The following ACAD11 variants were observed in gnomAD, a reference collection of about 807,000 sequenced individuals.
The protein encoded by ACAD11 is acyl-Coenzyme A dehydrogenase family, member 11.
A neutral mutation model predicts 102.2 loss-of-function variants in ACAD11; 83 were observed. The ratio of observed to expected loss-of-function variants is 0.81; its 90% confidence interval spans 0.68 to 0.97. ACAD11 has a LOEUF of 0.97. Ranked by LOEUF, ACAD11 falls within the 50% of genes least tolerant of loss-of-function variation. The pLI is 0.00. For missense variants in ACAD11, 901 were observed against 951.7 expected, an observed-to-expected ratio of 0.95 and a Z score of 0.70; for synonymous variants, 324 against 319.8, an observed-to-expected ratio of 1.01 and a Z score of -0.14.
intron 19 of ACAD11, 72 bp downstream of exon 19, chr3:132,559,761 G>A: frequency 8.3e-7 from 1 of 1,202,766 alleles, no homozygotes; most frequent in Non-Finnish European, 1.2e-6. Context: ...AGCAATTAAT[G>A]TCAAGGCATC....
At chr3:132,610,014 C>T (rs1939053017) in intron 11 of ACAD11, among the ~76,000 whole-genome samples, 1 of 152,136 alleles carries the variant, frequency 6.6e-6, no homozygotes, top group African/African-American at 2.4e-5. Flanking sequence ...ATAAACAGAA[C>T]CAATGACAAA....
rs189351226 is a variant in ACAD11 at position 132,656,737 on chromosome 3, C to T, written c.149+2866G>A. ...TCGAACTCGACCTCTGGTGATCCAC[C>T]TGCTTCAGCCTCCCAAAGTGCTGGG... On this transcript the variant is annotated intron_variant, in intron 1 of 19. Transcript: ENST00000264990. 4.6e-5 allele frequency among the ~76,000 whole-genome samples: 7 copies of T among 152,272 alleles called. No homozygotes were observed. In the East Asian group the frequency reaches 9.7e-4, roughly 21 times the overall value.
At chr3:132,595,892 G>T (rs1050282676) in intron 13 of ACAD11, among the ~76,000 whole-genome samples, 1 of 152,086 alleles carries the variant, frequency 6.6e-6, no homozygotes, top group Non-Finnish European at 1.5e-5. Flanking sequence ...CCTAAAGACA[G>T]AAATATCATT....
intron 17 of ACAD11, among the ~76,000 whole-genome samples, chr3:132,572,513 T>C (rs1281007090): frequency 5.9e-5 from 9 of 152,152 alleles, no homozygotes; most frequent in Non-Finnish European, 1.2e-4. Context: ...AAGCTACCAA[T>C]GACACTCTTC....
At chr3:132,573,508 A>G (rs1188706163) in intron 17 of ACAD11, among the ~76,000 whole-genome samples, 1 of 152,182 alleles carries the variant, frequency 6.6e-6, no homozygotes, top group Non-Finnish European at 1.5e-5. Flanking sequence ...AAATGTTGCT[A>G]TTAGAACATT....
At chr3:132,641,454 G>C (rs1559973543) in intron 4 of ACAD11, among the ~76,000 whole-genome samples, 2 of 152,082 alleles carry the variant, frequency 1.3e-5, no homozygotes, top group Admixed American at 6.5e-5. Flanking sequence ...TGAGGTAGGA[G>C]AATGGCGTGA....
At chr3:132,656,943 T>C (rs73000571) in intron 1 of ACAD11, among the ~76,000 whole-genome samples, 1,899 of 152,228 alleles carry the variant, frequency 0.012, 39 homozygotes, top group African/African-American at 0.043. Flanking sequence ...TGAGCTATTA[T>C]AGTTATATTC....
intron 13 of ACAD11, among the ~76,000 whole-genome samples, chr3:132,594,703 T>C (rs1938224162): frequency 6.6e-6 from 1 of 152,156 alleles, no homozygotes; most frequent in Non-Finnish European, 1.5e-5. Context: ...ATCTGAATTG[T>C]AAATAGGAGT....
At chr3:132,577,622 C>T (rs193220658) in intron 15 of ACAD11, among the ~76,000 whole-genome samples, 7 of 152,234 alleles carry the variant, frequency 4.6e-5, no homozygotes, top group South Asian at 2.1e-4. Flanking sequence ...GCCAGGAACA[C>T]GTTCACATTT....
chr3:132,580,165 A>G (rs1937577914), intron 13 of ACAD11, among the ~76,000 whole-genome samples: 1 of 152,100 alleles, frequency 6.6e-6, no homozygotes, highest in Non-Finnish European at 1.5e-5. Flanking sequence ...AGATTAAGTT[A>G]AACACATCTG....
At chr3:132,587,491 C>T (rs1034102566) in intron 13 of ACAD11, among the ~76,000 whole-genome samples, 1 of 152,076 alleles carries the variant, frequency 6.6e-6, no homozygotes, top group Admixed American at 6.6e-5. Flanking sequence ...TATTTCTCTT[C>T]TGATATTTCT....
chr3:132,632,006 G>A (rs1940059818), intron 5 of ACAD11, among the ~76,000 whole-genome samples: 1 of 151,872 alleles, frequency 6.6e-6, no homozygotes, highest in Non-Finnish European at 1.5e-5. Flanking sequence ...AAACAATCAT[G>A]TAATGTGGAA....
At chr3:132,625,823 G>A (rs926200199) in intron 9 of ACAD11, among the ~76,000 whole-genome samples, 1 of 152,094 alleles carries the variant, frequency 6.6e-6, no homozygotes, top group East Asian at 1.9e-4. Context: ...AATCATAGAT[G>A]ATTAAAATGA....
intron 2 of ACAD11, among the ~76,000 whole-genome samples, chr3:132,644,086 T>C (rs1054808875): frequency 1.3e-5 from 2 of 152,324 alleles, no homozygotes; most frequent in East Asian, 1.9e-4. Flanking sequence ...GAAAGTCCCA[T>C]AGAATCTACA....
intron 11 of ACAD11, among the ~76,000 whole-genome samples, chr3:132,610,679 G>A (rs1041871875): frequency 1.6e-4 from 24 of 152,278 alleles, no homozygotes; most frequent in African/African-American, 5.8e-4. Flanking sequence ...CCAGGAAGAA[G>A]TTGAATCTCT....
At chr3:132,561,649 G>A (rs1356432726) in intron 17 of ACAD11, among the ~76,000 whole-genome samples, 1 of 152,150 alleles carries the variant, frequency 6.6e-6, no homozygotes. Context: ...ATTTCAGTGT[G>A]GGGACAGTTC....
chr3:132,574,874 C>T (rs948366343), intron 17 of ACAD11, among the ~76,000 whole-genome samples: 2 of 152,236 alleles, frequency 1.3e-5, no homozygotes, highest in East Asian at 1.9e-4. Context: ...CTCGCTCTGT[C>T]GCCAGGCTGG....
chr3:132,579,501 G>C lies in ACAD11; in HGVS notation c.1679C>G (p.Ser560Cys). Residue 560 changes from serine (S) to cysteine (C), a missense_variant, in exon 14 of 20, where the codon TCT becomes TGT. By Grantham distance (112) the Ser-to-Cys change is moderately radical (BLOSUM62 -1). Transcript: ENST00000264990. ...AIVLGRTQNT[S>C]LSRHKQHSMI... is the part of the protein sequence containing the mutation. ...AGAATTGTTTAATTACCTGGAGAGAGAAGTATTTTGAGTTCTTCCCAAAAC... is the reference window on the plus strand; with the variant it reads ...AGAATTGTTTAATTACCTGGAGAGACAAGTATTTTGAGTTCTTCCCAAAAC... 1 of 1,612,624 alleles carries C rather than the reference G, an allele frequency of 6.2e-7. No individual in the cohort carries two copies. Among genetic ancestry groups the C allele is most frequent in the Non-Finnish European group, 8.5e-7 (1 of 1,179,008 alleles).
At chr3:132,580,024 G>A (rs887075030) in intron 13 of ACAD11, among the ~76,000 whole-genome samples, 1 of 151,974 alleles carries the variant, frequency 6.6e-6, no homozygotes, top group African/African-American at 2.4e-5. Flanking sequence ...TCACAGTTCA[G>A]GGGTCTGTGG....
Sources: allele counts gnomAD v4.1 joint callset (sites outside exome capture counted in the v4.1 genomes callset), GRCh38; gene constraint gnomAD v4.1.1; transcripts MANE v1.5; gene names NCBI Gene and HGNC (gene_info 2026-07-23, HGNC 2026-07-21).